SERGEF: variants seen among roughly 807,000 people sequenced by gnomAD.
SERGEF encodes secretion-regulating guanine nucleotide exchange factor.
A neutral mutation model predicts 50.0 loss-of-function variants in SERGEF; 51 were observed. The observed-to-expected ratio is 1.02, with a 90% CI of 0.81 to 1.29. The LOEUF (loss-of-function observed/expected upper bound fraction) is 1.29. SERGEF is among the 50% of genes most tolerant of loss of function. The pLI is 0.00. For synonymous variants in SERGEF, 205 were observed against 212.4 expected (o/e 0.97, Z 0.30); for missense variants, 521 against 557.0 (o/e 0.94, Z 0.65).
intron 5 of SERGEF, 112 bp from the exon 6 acceptor site, chr11:17,996,021 G>T: frequency 1.3e-6 from 1 of 741,474 alleles, no homozygotes. Flanking sequence ...CAGTTAATAT[G>T]AGTGTTATGG....
chr11:17,959,746 G>A, intron 8 of SERGEF, 110 bp from the exon 9 acceptor site: 1 of 921,302 alleles, frequency 1.1e-6, no homozygotes, highest in Non-Finnish European at 1.6e-6. Context: ...CCACCTACCA[G>A]GAGCCTTCCT....
intron 10 of SERGEF, among the ~76,000 whole-genome samples, chr11:17,808,280 T>C (rs1213647216): frequency 6.6e-6 from 1 of 152,208 alleles, no homozygotes; most frequent in Non-Finnish European, 1.5e-5. Context: ...TTTAATTGGC[T>C]CACAGTTCTG....
chr11:17,928,350 A>T (rs1164844162), intron 9 of SERGEF, among the ~76,000 whole-genome samples: 1 of 152,150 alleles, frequency 6.6e-6, no homozygotes, highest in Non-Finnish European at 1.5e-5. Flanking sequence ...GAGGGCTACA[A>T]ACTCTGGGGT....
chr11:17,835,634 A>T (rs11024419), intron 10 of SERGEF, among the ~76,000 whole-genome samples: 3 of 152,212 alleles, frequency 2.0e-5, no homozygotes, highest in Non-Finnish European at 4.4e-5. Context: ...CTCATAGCAG[A>T]TGTCAATAAA....
intron 10 of SERGEF, among the ~76,000 whole-genome samples, chr11:17,796,134 A>T (rs1176743485): frequency 6.6e-6 from 1 of 152,240 alleles, no homozygotes; most frequent in Non-Finnish European, 1.5e-5. Flanking sequence ...CATTTCGTTC[A>T]AATATTTTAA....
At chr11:17,910,480 G>A (rs1851931818) in intron 9 of SERGEF, among the ~76,000 whole-genome samples, 1 of 152,088 alleles carries the variant, frequency 6.6e-6, no homozygotes, top group African/African-American at 2.4e-5. Flanking sequence ...TTAAATTCCT[G>A]GCTTCAAGCA....
At chr11:17,949,532 G>A (rs1160428567) in intron 9 of SERGEF, among the ~76,000 whole-genome samples, 5 of 152,034 alleles carry the variant, frequency 3.3e-5, no homozygotes, top group Non-Finnish European at 4.4e-5. Flanking sequence ...CTGCGCAATG[G>A]GACTGGCAAA....
At chr11:17,871,987 TC>T (rs1851146662) in intron 10 of SERGEF, among the ~76,000 whole-genome samples, 1 of 152,180 alleles carries the variant, frequency 6.6e-6, no homozygotes, top group Admixed American at 6.5e-5. Context: ...GTACGTAGCA[TC>T]CCCAAACTAG....
chr11:17,861,267 A>G (rs569745134), intron 10 of SERGEF, among the ~76,000 whole-genome samples: 2 of 152,380 alleles, frequency 1.3e-5, no homozygotes, highest in African/African-American at 4.8e-5. Flanking sequence ...GAGCTTTTCC[A>G]TAAACCACAT....
chr11:17,814,013 G>C (rs1849920110), intron 10 of SERGEF, among the ~76,000 whole-genome samples: 1 of 152,202 alleles, frequency 6.6e-6, no homozygotes, highest in African/African-American at 2.4e-5. Flanking sequence ...ACATGCCAGA[G>C]ACAGCATTAA....
chr11:17,921,678 G>T (rs1209748437), intron 9 of SERGEF, among the ~76,000 whole-genome samples: 1 of 152,198 alleles, frequency 6.6e-6, no homozygotes, highest in African/African-American at 2.4e-5. Context: ...CACCCCAGGG[G>T]AGAGCAAGAC....
chr11:17,987,306 G>A (rs1406566872), intron 8 of SERGEF, among the ~76,000 whole-genome samples: 1 of 152,166 alleles, frequency 6.6e-6, no homozygotes, highest in Admixed American at 6.5e-5. Flanking sequence ...TAAATTCTTT[G>A]ATAGGCATTG....
At chr11:17,963,448 C>T (rs892642390) in intron 8 of SERGEF, among the ~76,000 whole-genome samples, 1 of 146,266 alleles carries the variant, frequency 6.8e-6, no homozygotes, top group African/African-American at 2.5e-5. Context: ...AGTGCAGTGG[C>T]ATGATCTTGG....
chr11:17,793,437 A>AC (rs1158594844), intron 10 of SERGEF, among the ~76,000 whole-genome samples: 3 of 152,152 alleles, frequency 2.0e-5, no homozygotes, highest in African/African-American at 4.8e-5. Context: ...GGTTTCATTC[A>AC]CCCCCTAACC....
At chr11:17,988,981 G>C (rs1853654397) in intron 7 of SERGEF, among the ~76,000 whole-genome samples, 1 of 152,136 alleles carries the variant, frequency 6.6e-6, no homozygotes, top group South Asian at 2.1e-4. Flanking sequence ...GTTCTTAGTA[G>C]CTTAAGAAAT....
chr11:18,004,330 C>T, intron 4 of SERGEF, 111 bp downstream of exon 4: 1 of 710,950 alleles, frequency 1.4e-6, no homozygotes, highest in Non-Finnish European at 2.3e-6. Flanking sequence ...AATTCTCCTA[C>T]TCCATGGGTT....
chr11:17,959,672 C>T, intron 8 of SERGEF, 36 bp from the exon 9 acceptor site: 1 of 1,565,862 alleles, frequency 6.4e-7, no homozygotes, highest in Non-Finnish European at 8.7e-7. Flanking sequence ...AGACTACATT[C>T]CACAGCTGTG....
chr11:17,803,764 T>C (rs746924799), intron 10 of SERGEF, among the ~76,000 whole-genome samples: 47 of 152,260 alleles, frequency 3.1e-4, no homozygotes, highest in Non-Finnish European at 6.0e-4. Flanking sequence ...AACCGTCCAA[T>C]ACAGGGGCAC....
chr11:17,830,649 G>GGAGAGAGAGAGAGAGAGAGAGAGA (rs55967425), intron 10 of SERGEF, among the ~76,000 whole-genome samples: 1 of 77,756 alleles, frequency 1.3e-5, no homozygotes, highest in African/African-American at 5.8e-5. Flanking sequence ...GGAGAGGGAG[G>GGAGAGAGAGAGAGAGAGAGAGAGA]GAGAGAGAGA....
Sources: gnomAD v4.1 joint callset for allele counts (sites outside exome capture counted in the v4.1 genomes callset) on GRCh38, gnomAD v4.1.1 for gene constraint, MANE v1.5 for transcripts, NCBI Gene and HGNC (gene_info 2026-07-23, HGNC 2026-07-21) for gene names.